MMGT1: variants seen among roughly 807,000 people sequenced by gnomAD.
MMGT1 encodes the protein ER membrane protein complex subunit 5.
Under a neutral mutation model 11.7 loss-of-function variants are expected in MMGT1, and 2 were observed. The observed-to-expected ratio is 0.17, with a 90% CI of 0.07 to 0.54. The LOEUF (loss-of-function observed/expected upper bound fraction) is 0.54, where lower values mean the gene tolerates loss of function less well. Among genes scored for constraint, MMGT1 ranks in the 20% least tolerant of loss-of-function variants. The pLI is 0.94. For synonymous variants in MMGT1, 49 were observed against 44.4 expected, an observed-to-expected ratio of 1.10 and a Z score of -0.41; for missense variants, 74 against 109.0, an observed-to-expected ratio of 0.68 and a Z score of 1.43.
At chrX:135,970,310 C>T (rs905352422) in intron 2 of MMGT1, among the ~76,000 whole-genome samples, 1 of 110,039 alleles carries the variant, frequency 9.1e-6, no homozygotes, top group Admixed American at 9.7e-5. Context: ...GAGGTTGCAA[C>T]GAGCCCAGAT....
intron 2 of MMGT1, among the ~76,000 whole-genome samples, chrX:135,969,140 GTGTA>G (rs1255157567): frequency 5.9e-5 from 2 of 33,765 alleles, no homozygotes; most frequent in African/African-American, 1.7e-4. Context: ...ACATAAATAT[GTGTA>G]TGTGTGTGTG....
intron 3 of MMGT1, 137 bp from the exon 4 acceptor site, chrX:135,965,320 T>A (rs1012415570): frequency 4.9e-5 from 21 of 432,124 alleles, no homozygotes; most frequent in Non-Finnish European, 7.4e-5. Context: ...AATCAGACTG[T>A]AAATAATAAT....
At chrX:135,968,520 T>TGTGC (rs1274105437) in intron 2 of MMGT1, among the ~76,000 whole-genome samples, 3 of 106,542 alleles carry the variant, frequency 2.8e-5, no homozygotes, top group Non-Finnish European at 3.9e-5. Flanking sequence ...TGTGTGTGTG[T>TGTGC]GTGTGTGTGT....
At chrX:135,968,538 T>TGTGTGTGTGTG (rs1556612227) in intron 2 of MMGT1, among the ~76,000 whole-genome samples, 3 of 106,366 alleles carry the variant, frequency 2.8e-5, no homozygotes, top group Non-Finnish European at 5.8e-5. Flanking sequence ...TGTGTGTGTG[T>TGTGTGTGTGTG]TTTCTTTTTT....
intron 3 of MMGT1, 54 bp downstream of exon 3, chrX:135,967,336 T>G: frequency 1.3e-6 from 1 of 765,830 alleles, no homozygotes; most frequent in South Asian, 2.4e-5. Context: ...TAAAATTATG[T>G]GAATACAGCA....
intron 2 of MMGT1, among the ~76,000 whole-genome samples, chrX:135,970,091 G>A (rs781918926): frequency 1.8e-5 from 2 of 111,991 alleles, no homozygotes; most frequent in South Asian, 3.7e-4. Flanking sequence ...CTGGTCGGGC[G>A]CTGTGGCTCA....
At chrX:135,965,313 C>A in intron 3 of MMGT1, 130 bp from the exon 4 acceptor site, 1 of 451,491 alleles carries the variant, frequency 2.2e-6, no homozygotes, top group Non-Finnish European at 3.7e-6. Context: ...TACATGAAAT[C>A]AGACTGTAAA....
chrX:135,966,025 T>C (rs184334023), intron 3 of MMGT1, among the ~76,000 whole-genome samples: 1 of 112,116 alleles, frequency 8.9e-6, no homozygotes, highest in African/African-American at 3.2e-5. Flanking sequence ...CTTCTTTCTT[T>C]CCTGGCCCCT....
At chrX:135,966,505 G>A (rs781987633) in intron 3 of MMGT1, among the ~76,000 whole-genome samples, 2 of 112,146 alleles carry the variant, frequency 1.8e-5, no homozygotes, top group Middle Eastern at 4.7e-3. Flanking sequence ...TGAGGCAGGA[G>A]AATCACTTGA....
At chrX:135,969,144 A>ATGTGTGTATG (rs1556612333) in intron 2 of MMGT1, among the ~76,000 whole-genome samples, 1 of 100,920 alleles carries the variant, frequency 9.9e-6, no homozygotes, top group African/African-American at 3.6e-5. Context: ...AAATATGTGT[A>ATGTGTGTATG]TGTGTGTGTG....
intron 1 of MMGT1, among the ~76,000 whole-genome samples, chrX:135,973,055 C>T (rs2089228845): frequency 8.9e-6 from 1 of 112,300 alleles, no homozygotes; most frequent in Admixed American, 9.4e-5. Context: ...TTTCATAACG[C>T]AGTGTAGCAC....
Position 135,964,887 on chromosome X carries a change from G to A in MMGT1, c.*137C>T. On this transcript the variant is annotated 3_prime_UTR_variant, in exon 4 of 4. Coordinates refer to ENST00000305963, the MANE Select transcript of MMGT1 (RefSeq NM_173470.3). The stretch of plus-strand genomic sequence containing the variant: ...GATTGGATTAACAGTATATAAACAA[G>A]GGCCATGGTTTTTTTTACTAAAGTA... 1 of 490,417 alleles carries A rather than the reference G, an allele frequency of 2.0e-6. No homozygotes were observed. The highest frequency in any genetic ancestry group is 4.7e-5 in the South Asian group (1 of 21,088). The allele number at this position is 490,417 out of a possible 1,213,427, so 40.4% of individuals were successfully genotyped here.
intron 1 of MMGT1, among the ~76,000 whole-genome samples, chrX:135,971,374 CCTTCTAT>C (rs1228587700): frequency 8.9e-6 from 1 of 112,201 alleles, no homozygotes; most frequent in Non-Finnish European, 1.9e-5. Context: ...TTCCTCAAAA[CCTTCTAT>C]CTTCTAAGGT....
At chrX:135,966,677 C>T (rs1232237918) in intron 3 of MMGT1, among the ~76,000 whole-genome samples, 1 of 111,668 alleles carries the variant, frequency 9.0e-6, no homozygotes, top group Middle Eastern at 4.6e-3. Flanking sequence ...CATAAATGTT[C>T]ACTGTGACTC....
chrX:135,961,008 T>C lies in MMGT1; in HGVS notation c.*4016A>G, dbSNP rs782642402. 2.7e-5 allele frequency among the ~76,000 whole-genome samples: 3 copies of C among 112,114 alleles called. No individual in the cohort carries two copies. Among genetic ancestry groups the C allele is most frequent in the Non-Finnish European group, 5.6e-5 (3 of 53,149 alleles). On this transcript the variant is annotated 3_prime_UTR_variant, in exon 4 of 4. Coordinates refer to ENST00000305963, the MANE Select transcript of MMGT1 (RefSeq NM_173470.3). The stretch of plus-strand genomic sequence containing the variant: ...TAAATAATCATTCTCATACATTATA[T>C]GTGGAAGCATACTGGGCAAAGATTT...
rs1181752013 is a variant in MMGT1 at position 135,964,167 on chromosome X, C to CAA, written c.*856_*857insTT. ...ATTCACTAGTTTAGTATGAAATAAA[C>CAA]AGAGTTTGAATCAGTTAAACTGGCT... On this transcript the variant is annotated 3_prime_UTR_variant, in exon 4 of 4. Transcript: ENST00000305963. 8.9e-6 allele frequency: 1 copy of CAA among 112,934 alleles called. No individual in the cohort carries two copies. Among genetic ancestry groups the CAA allele is most frequent in the Non-Finnish European group, 1.9e-5 (1 of 53,352 alleles). 9.3% of individuals were successfully genotyped at this position (112,934 alleles called of 1,213,427 possible). A position where few individuals can be genotyped will look rare whatever the true frequency, so the allele number is the denominator to read the frequency against.
At position 135,961,307 on chromosome X, in the gene MMGT1, C is replaced by CA. The variant is rs34987592; in HGVS notation, c.*3716dup. Among the ~76,000 whole-genome samples the CA allele has an allele frequency of 0.1, 11,278 of 110,320 alleles. 490 individuals carry two copies. The highest frequency in any genetic ancestry group is 0.15 in the Admixed American group (1,528 of 10,364). ...GAAAGATCTCATAAAACACAGGTAG[C>CA]AAAAAAAGCAAGGTACAGAAGAGTA... On this transcript the variant is annotated 3_prime_UTR_variant, in exon 4 of 4. Coordinates refer to ENST00000305963, the MANE Select transcript of MMGT1 (RefSeq NM_173470.3).
intron 2 of MMGT1, among the ~76,000 whole-genome samples, chrX:135,970,624 C>T (rs1390218937): frequency 9.0e-6 from 1 of 111,084 alleles, no homozygotes; most frequent in Non-Finnish European, 1.9e-5. Context: ...AAGTGGAGAT[C>T]ACAGGCCAGG....
chrX:135,970,913 G>GAGAAAAGAAA (rs781928274), intron 2 of MMGT1, 145 bp downstream of exon 2: 1 of 422,046 alleles, frequency 2.4e-6, no homozygotes, highest in Non-Finnish European at 4.2e-6. Context: ...CGTCTCAAAA[G>GAGAAAAGAAA]AGAAAAGAAA....
Sources: gnomAD v4.1 joint callset for allele counts (sites outside exome capture counted in the v4.1 genomes callset) on GRCh38, gnomAD v4.1.1 for gene constraint, MANE v1.5 for transcripts, NCBI Gene and HGNC (gene_info 2026-07-23, HGNC 2026-07-21) for gene names.